Variants in CD79A observed in about 807,000 individuals in gnomAD.
CD79A encodes the protein CD79a molecule.
CD79A carries 16 observed loss-of-function variants against 27.4 expected under a neutral mutation model. The ratio of observed to expected loss-of-function variants is 0.58; its 90% CI spans 0.40 to 0.89. CD79A has a LOEUF of 0.89. CD79A is among the 40% of genes least tolerant of loss of function. The pLI is 0.00. For synonymous variants in CD79A, 110 were observed against 132.7 expected (o/e 0.83, Z 1.18); for missense variants, 237 against 299.7 (o/e 0.79, Z 1.55).
chr19:41,878,031 T>C lies in CD79A; in HGVS notation c.79+648T>C, dbSNP rs571315519. On this transcript the variant is annotated intron_variant, in intron 1 of 4. Transcript: ENST00000221972. This position sits in a 1 kb window ranked among gnomAD's most constrained non-coding sequence, Gnocchi z 4.3. ...CCTCCTTCTCTCTTCCTCACCTCCC[T>C]CCTCCACCTACCTCCAGAAGAGGGG... Among the ~76,000 whole-genome samples, 4 of 152,226 alleles carry C rather than the reference T, an allele frequency of 2.6e-5. No homozygotes were observed. Among genetic ancestry groups the C allele is most frequent in the Non-Finnish European group, 5.9e-5 (4 of 67,998 alleles).
Position 41,879,571 on chromosome 19 carries a change from G to A in CD79A, c.416G>A (p.Gly139Asp), listed in dbSNP as rs1462257912. 9 of 1,611,304 alleles carry A rather than the reference G, an allele frequency of 5.6e-6. No homozygotes were observed. Among genetic ancestry groups the A allele is most frequent in the Non-Finnish European group, 7.6e-6 (9 of 1,179,032 alleles). The change falls in exon 3 of 5, where the codon GGC becomes GAC. Residue 139 changes from glycine (G) to aspartate (D), a missense_variant. Gly to Asp is a moderately conservative substitution (Grantham distance 94). Coordinates refer to ENST00000221972, the MANE Select transcript of CD79A (RefSeq NM_001783.4). The surrounding 1 kb of genome is among the most constrained non-coding windows in gnomAD (Gnocchi z 5.1). The stretch of plus-strand genomic sequence containing the variant: ...AGGCCCTTCCTGGACATGGGGGAGG[G>A]CACCAAGAACCGAATCATCACAGCC... ...PPRPFLDMGE[G>D]TKNRIITAEG... is the part of the protein sequence containing the mutation.
In CD79A at chr19:41,879,388, T is replaced by C. The variant is rs781960791; in HGVS notation, c.379+99T>C. ...AGAGCCAGTACCTTCAATGTGGGTT[T>C]CAAACCGGCTTGGACAGAGGGACGG... On this transcript the variant is annotated intron_variant, in intron 2 of 4. Transcript: ENST00000221972. The surrounding 1 kb of genome is among the most constrained non-coding windows in gnomAD (Gnocchi z 5.1). The C allele has an allele frequency of 5.3e-6, 7 of 1,331,168 alleles. No individual in the cohort carries two copies. Among genetic ancestry groups the C allele is most frequent in the African/African-American group, 1.4e-5 (1 of 69,314 alleles). The allele number at this position is 1,331,168 out of a possible 1,614,324, so 82.5% of individuals were successfully genotyped here. A position where few individuals can be genotyped will look rare whatever the true frequency, so the allele number is the denominator to read the frequency against.
chr19:41,880,870 C>A lies in CD79A; in HGVS notation c.571C>A (p.Leu191Met). ...EYEDENLYEG[L>M]NLDDCSMYED... ...CGCTGCCTCATTTCCATCCCAGGGC[C>A]TGAACCTGGACGACTGCTCCATGTA... Residue 191 changes from leucine to methionine, a missense_variant, in exon 5 of 5, where the codon CTG becomes ATG. Transcript: ENST00000221972. 6.2e-7 allele frequency: 1 copy of A among 1,600,274 alleles called. No individual in the cohort carries two copies. The highest frequency in any genetic ancestry group is 8.5e-7 in the Non-Finnish European group (1 of 1,173,610).
rs781940835 is a variant in CD79A, at chr19:41,877,419, G to C, written c.79+36G>C. On this transcript the variant is annotated intron_variant, in intron 1 of 4. Transcript: ENST00000221972. This position sits in a 1 kb window ranked among gnomAD's most constrained non-coding sequence, Gnocchi z 4.1. ...AAAGGGCAGGAACTGGCGGGAGGTG[G>C]GGGAAGCTGTGGAGGCTGCAGAGAG... 2.5e-6 allele frequency: 4 copies of C among 1,573,728 alleles called. No individual in the cohort carries two copies.
Position 41,878,849 on chromosome 19 carries a change from CCT to C in CD79A, c.80-140_80-139del. The C allele has an allele frequency of 1.5e-6, 1 of 673,442 alleles. No individual in the cohort carries two copies. Among genetic ancestry groups the C allele is most frequent in the Non-Finnish European group, 2.6e-6 (1 of 387,368 alleles). The allele number at this position is 673,442 out of a possible 1,614,324, so 41.7% of individuals were successfully genotyped here. A position where few individuals can be genotyped will look rare whatever the true frequency, so the allele number is the denominator to read the frequency against. On this transcript the variant is annotated intron_variant, in intron 1 of 4. Transcript: ENST00000221972. This position sits in a 1 kb window ranked among gnomAD's most constrained non-coding sequence, Gnocchi z 4.3. ...CCCCTCTCCCCAGGATGTATCAGCCCCTGTCAGGGGCTCTCTCTCTCCCTCCC... is the reference window on the plus strand; with the variant it reads ...CCCCTCTCCCCAGGATGTATCAGCCCGTCAGGGGCTCTCTCTCTCCCTCCC...
Position 41,878,827 on chromosome 19 carries a change from C to T in CD79A, c.80-163C>T, listed in dbSNP as rs1568801544. Among the ~76,000 whole-genome samples the T allele has an allele frequency of 6.6e-6, 1 of 152,092 alleles. No homozygotes were observed. The highest frequency in any genetic ancestry group is 2.1e-4 in the South Asian group (1 of 4,826). On this transcript the variant is annotated intron_variant, in intron 1 of 4. Transcript: ENST00000221972. This position sits in a 1 kb window ranked among gnomAD's most constrained non-coding sequence, Gnocchi z 4.3. ...GCTTCTTCACTTTCCCGCATCCCCC[C>T]TCTCCCCAGGATGTATCAGCCCCTG...
At position 41,879,222 on chromosome 19, in the gene CD79A, C is replaced by T. The variant is rs200667174; in HGVS notation, c.312C>T (p.Tyr104=). 58 of 1,613,786 alleles carry T rather than the reference C, an allele frequency of 3.6e-5. No individual in the cohort carries two copies. In the African/African-American group the frequency reaches 3.7e-4, roughly 10 times the overall value. Residue 104 remains tyrosine (Y), a synonymous_variant, in exon 2 of 5, where the codon TAC becomes TAT. Transcript: ENST00000221972. The surrounding 1 kb of genome is among the most constrained non-coding windows in gnomAD (Gnocchi z 5.1). ...QNVNKSHGGI[Y]VCRVQEGNES... ...TGAACAAGAGCCATGGGGGCATATACGTGTGCCGGGTCCAGGAGGGCAACG... is the reference window on the plus strand; with the variant it reads ...TGAACAAGAGCCATGGGGGCATATATGTGTGCCGGGTCCAGGAGGGCAACG...
chr19:41,880,645 GCACCCACCC>G lies in CD79A; in HGVS notation c.499-14_499-6del. 45 of 1,133,808 alleles carry G rather than the reference GCACCCACCC, an allele frequency of 4.0e-5. No homozygotes were observed. Among genetic ancestry groups the G allele is most frequent in the Non-Finnish European group, 5.6e-5 (43 of 766,266 alleles). The allele number at this position is 1,133,808 out of a possible 1,614,324, so 70.2% of individuals were successfully genotyped here. On this transcript the variant is annotated splice_polypyrimidine_tract_variant and intron_variant, in intron 3 of 4. Transcript: ENST00000221972. ...TATTCACCTCCCCCTGCTCACTGAG[GCACCCACCC>G]CACCCACCCCTACAGAAACGATGGC...
rs1186313801 is a variant in CD79A, at chr19:41,877,573, G to A, written c.79+190G>A. 6.6e-6 allele frequency among the ~76,000 whole-genome samples: 1 copy of A among 152,164 alleles called. No individual in the cohort carries two copies. Among genetic ancestry groups the A allele is most frequent in the Non-Finnish European group, 1.5e-5 (1 of 68,020 alleles). On this transcript the variant is annotated intron_variant, in intron 1 of 4. Coordinates refer to ENST00000221972, the MANE Select transcript of CD79A (RefSeq NM_001783.4). This position sits in a 1 kb window ranked among gnomAD's most constrained non-coding sequence, Gnocchi z 4.1. ...CCAAGGTGGGGCTGGAGGGAGCCCA[G>A]CGAAGGAGAAGGGGCGTCCACAGTC...
intron 3 of CD79A, among the ~76,000 whole-genome samples, chr19:41,880,391 AAGAG>A (rs370824087): frequency 0.11 from 13,438 of 121,464 alleles, 987 homozygotes; most frequent in Non-Finnish European, 0.16. Flanking sequence ...GAGAGAGAGA[AAGAG>A]AGAGAGAGAG....
At chr19:41,880,498 AAGGAAGG>A (rs1317652501) in intron 3 of CD79A, among the ~76,000 whole-genome samples, 165 bp from the exon 4 acceptor site, 10 of 150,460 alleles carry the variant, frequency 6.6e-5, no homozygotes, top group South Asian at 2.1e-4. Flanking sequence ...GGAAGGAAGG[AAGGAAGG>A]AGAACACTGG....
chr19:41,877,840 C>T lies in CD79A; in HGVS notation c.79+457C>T, dbSNP rs1007229095. Among the ~76,000 whole-genome samples, 5 of 152,254 alleles carry T rather than the reference C, an allele frequency of 3.3e-5. No homozygotes were observed. Among genetic ancestry groups the T allele is most frequent in the African/African-American group, 1.2e-4 (5 of 41,518 alleles). On this transcript the variant is annotated intron_variant, in intron 1 of 4. Coordinates refer to ENST00000221972, the MANE Select transcript of CD79A (RefSeq NM_001783.4). This position sits in a 1 kb window ranked among gnomAD's most constrained non-coding sequence, Gnocchi z 4.1. ...GGGGAATGGGTGTCTCATGGACTCC[C>T]CCTCACCTGCTCAAGGACAGCTGGC...
At position 41,880,706 on chromosome 19, in the gene CD79A, G is replaced by A. The variant is rs782714583; in HGVS notation, c.535G>A (p.Gly179Arg). The change falls in exon 4 of 5, where the codon GGG (glycine) becomes AGG (arginine). Residue 179 changes from glycine (G) to arginine (R), a missense_variant. Physicochemically the swap from Gly to Arg is moderately radical, Grantham distance 125. Coordinates refer to ENST00000221972, the MANE Select transcript of CD79A (RefSeq NM_001783.4). ...WQNEKLGLDAGDEYEDENLYE... is the reference protein window; with the variant it reads ...WQNEKLGLDARDEYEDENLYE... ...GAACGAGAAGCTCGGGTTGGATGCC[G>A]GGGATGAATATGAAGATGAAAACCT... is the stretch of plus-strand genomic sequence containing the variant. 48 of 1,546,520 alleles carry A rather than the reference G, an allele frequency of 3.1e-5. No individual in the cohort carries two copies. Among genetic ancestry groups the A allele is most frequent in the East Asian group, 1.2e-4 (5 of 40,676 alleles).
chr19:41,880,908 C>T lies in CD79A; in HGVS notation c.609C>T (p.Ser203=), dbSNP rs528877167. ...ACTGCTCCATGTATGAGGACATCTC[C>T]CGGGGCCTCCAGGGCACCTACCAGG... is the stretch of plus-strand genomic sequence containing the variant. ...LDDCSMYEDI[S]RGLQGTYQDV... Residue 203 remains serine (S), a synonymous_variant, in exon 5 of 5, where the codon TCC becomes TCT. Coordinates refer to ENST00000221972, the MANE Select transcript of CD79A (RefSeq NM_001783.4). The T allele has an allele frequency of 6.2e-7, 1 of 1,606,024 alleles. No individual in the cohort carries two copies. Among genetic ancestry groups the T allele is most frequent in the East Asian group, 2.2e-5 (1 of 44,660 alleles).
intron 3 of CD79A, 100 bp from the exon 4 acceptor site, chr19:41,880,570 C>A: frequency 1.2e-6 from 1 of 862,982 alleles, no homozygotes; most frequent in Non-Finnish European, 1.9e-6. Context: ...GGGGACATCT[C>A]TTACCCTTTC....
chr19:41,878,962 C>G lies in CD79A; in HGVS notation c.80-28C>G. 2 of 1,316,164 alleles carry G rather than the reference C, an allele frequency of 1.5e-6. No homozygotes were observed. Among genetic ancestry groups the G allele is most frequent in the Non-Finnish European group, 2.2e-6 (2 of 919,952 alleles). The allele number at this position is 1,316,164 out of a possible 1,614,324, so 81.5% of individuals were successfully genotyped here. ...GGAAATGTGTCACCATCCCCAGTCCCTGACCCACCCACCCTGTCTCTCCAC... is the reference window on the plus strand; with the variant it reads ...GGAAATGTGTCACCATCCCCAGTCCGTGACCCACCCACCCTGTCTCTCCAC... On this transcript the variant is annotated intron_variant, in intron 1 of 4. Coordinates refer to ENST00000221972, the MANE Select transcript of CD79A (RefSeq NM_001783.4). The surrounding 1 kb of genome is among the most constrained non-coding windows in gnomAD (Gnocchi z 4.3).
In CD79A at chr19:41,877,823, G is replaced by A. The variant is rs1428008319; in HGVS notation, c.79+440G>A. ...GTCCCTTCTCAGCACTGGGGGAATG[G>A]GTGTCTCATGGACTCCCCCTCACCT... On this transcript the variant is annotated intron_variant, in intron 1 of 4. Transcript: ENST00000221972. The surrounding 1 kb of genome is among the most constrained non-coding windows in gnomAD (Gnocchi z 4.1). 6.6e-6 allele frequency among the ~76,000 whole-genome samples: 1 copy of A among 152,124 alleles called. No homozygotes were observed. Among genetic ancestry groups the A allele is most frequent in the Non-Finnish European group, 1.5e-5 (1 of 68,020 alleles).
rs1426975153 is a variant in CD79A, at chr19:41,879,730, A to T, written c.498+77A>T. 6.3e-6 allele frequency: 6 copies of T among 949,184 alleles called. No homozygotes were observed. The East Asian group carries it at 1.2e-4, about 19-fold the overall frequency. 58.8% of individuals were successfully genotyped at this position (949,184 alleles called of 1,614,324 possible). On this transcript the variant is annotated intron_variant, in intron 3 of 4. Transcript: ENST00000221972. This position sits in a 1 kb window ranked among gnomAD's most constrained non-coding sequence, Gnocchi z 5.1. Reference sequence around the variant, plus strand: ...ACCCCCAATACCCAGGTAGCCCTCTAGAGCCTGAGGTTCCCCATCCAAAAC... The same window carrying T: ...ACCCCCAATACCCAGGTAGCCCTCTTGAGCCTGAGGTTCCCCATCCAAAAC...
In CD79A at chr19:41,879,308, G is replaced by T. The variant is rs563307867; in HGVS notation, c.379+19G>T. On this transcript the variant is annotated intron_variant, in intron 2 of 4. Coordinates refer to ENST00000221972, the MANE Select transcript of CD79A (RefSeq NM_001783.4). This position sits in a 1 kb window ranked among gnomAD's most constrained non-coding sequence, Gnocchi z 5.1. ...GTGCGCCGTGAGTGGCCCAGCCCTGGCCCCTACTCCCACTGTCCCGCTGGG... is the reference window on the plus strand; with the variant it reads ...GTGCGCCGTGAGTGGCCCAGCCCTGTCCCCTACTCCCACTGTCCCGCTGGG... The T allele has an allele frequency of 7.2e-5, 115 of 1,607,490 alleles. 2 individuals carry two copies. In the East Asian group the frequency reaches 2.5e-3, roughly 35 times the overall value.
Sources: gnomAD v4.1 joint callset for allele counts (sites outside exome capture counted in the v4.1 genomes callset) on GRCh38, gnomAD v4.1.1 for gene constraint, Gnocchi (gnomAD v3.1) non-coding constraint, MANE v1.5 for transcripts, NCBI Gene and HGNC (gene_info 2026-07-23, HGNC 2026-07-21) for gene names.